Variants in MED14 observed in about 807,000 individuals in gnomAD.
MED14 encodes mediator of RNA polymerase II transcription subunit 14.
A neutral mutation model predicts 109.0 loss-of-function variants in MED14; 8 were observed. The ratio of observed to expected loss-of-function variants is 0.07; its 90% CI spans 0.04 to 0.13. MED14 has a LOEUF of 0.13. Ranked by LOEUF, MED14 falls within the 10% of genes least tolerant of loss-of-function variation. The probability of loss-of-function intolerance (pLI) is 1.00; values close to 1 mark genes in which losing one functional copy is unlikely to be tolerated. For missense variants in MED14, 711 were observed against 1,142.4 expected, an observed-to-expected ratio of 0.62 and a Z score of 5.44; for synonymous variants, 399 against 408.7, an observed-to-expected ratio of 0.98 and a Z score of 0.29.
chrX:40,681,833 G>T lies in MED14; in HGVS notation c.2457+19C>A. On this transcript the variant is annotated intron_variant, in intron 19 of 30. Transcript: ENST00000324817. ...TAAGATTCATAAGACAGGAACTTCA[G>T]CATTTTAATCAGACTTACTGAGCTT... The T allele has an allele frequency of 6.7e-6, 6 of 901,892 alleles. No homozygotes were observed. Among genetic ancestry groups the T allele is most frequent in the Non-Finnish European group, 9.2e-6 (6 of 649,383 alleles). The allele number at this position is 901,892 out of a possible 1,213,427, so 74.3% of individuals were successfully genotyped here. A position where few individuals can be genotyped will look rare whatever the true frequency, so the allele number is the denominator to read the frequency against.
chrX:40,709,939 T>G (rs199698101), intron 9 of MED14, 40 bp downstream of exon 9: 21 of 977,294 alleles, frequency 2.1e-5, no homozygotes, highest in Non-Finnish European at 2.8e-5. Flanking sequence ...GCAAGTTACA[T>G]TCATTTAAAC....
intron 30 of MED14, among the ~76,000 whole-genome samples, chrX:40,652,082 G>A (rs1358049012): frequency 1.8e-5 from 2 of 112,229 alleles, no homozygotes; most frequent in African/African-American, 6.5e-5. Flanking sequence ...TTTTTCTCAG[G>A]AGGAAACTTC....
At chrX:40,711,407 T>C (rs748271467) in intron 7 of MED14, 106 bp from the exon 8 acceptor site, 2 of 593,584 alleles carry the variant, frequency 3.4e-6, no homozygotes, top group South Asian at 4.5e-5. Flanking sequence ...TGGAGAAAAA[T>C]TTCTGAAGAA....
At chrX:40,710,652 G>C (rs925163055) in intron 8 of MED14, among the ~76,000 whole-genome samples, 1 of 110,608 alleles carries the variant, frequency 9.0e-6, no homozygotes, top group Non-Finnish European at 1.9e-5. Context: ...CTAACCTAAC[G>C]GTCTTTTAGC....
intron 23 of MED14, among the ~76,000 whole-genome samples, chrX:40,670,238 A>T (rs1031867130): frequency 8.9e-6 from 1 of 111,840 alleles, no homozygotes; most frequent in Non-Finnish European, 1.9e-5. Flanking sequence ...TCAAAGAGGC[A>T]TTTGTCATGT....
intron 15 of MED14, among the ~76,000 whole-genome samples, chrX:40,690,574 C>G (rs1930462862): frequency 9.0e-6 from 1 of 111,265 alleles, no homozygotes; most frequent in Non-Finnish European, 1.9e-5. Flanking sequence ...GCTACCATGC[C>G]TGACTAAGTT....
Position 40,664,474 on chromosome X carries a change from C to G in MED14, c.3281G>C (p.Ser1094Thr). 1 of 1,100,964 alleles carries G rather than the reference C, an allele frequency of 9.1e-7. No homozygotes were observed. The allele number at this position is 1,100,964 out of a possible 1,213,427, so 90.7% of individuals were successfully genotyped here. ...TGGTGACACCATAGTGTATGGGGAA[C>G]TAGGGTCAAGAGTTCCTATAAAAAA... is the stretch of plus-strand genomic sequence containing the variant. ...FASPHGTLDP[S>T]SPYTMVSPSG... Residue 1094 changes from serine (S) to threonine (T), a missense_variant, in exon 25 of 31, where the codon AGT (serine) becomes ACT (threonine). This residue lies in a region of MED14 where 100 missense variants were observed against 147.5 expected (regional missense o/e 0.68). Coordinates refer to ENST00000324817, the MANE Select transcript of MED14 (RefSeq NM_004229.4).
chrX:40,712,907 G>T lies in MED14; in HGVS notation c.781+7C>A, dbSNP rs1931384158. 1 of 1,152,566 alleles carries T rather than the reference G, an allele frequency of 8.7e-7. No homozygotes were observed. Among genetic ancestry groups the T allele is most frequent in the African/African-American group, 1.8e-5 (1 of 55,717 alleles). The allele number at this position is 1,152,566 out of a possible 1,213,427, so 95.0% of individuals were successfully genotyped here. A position where few individuals can be genotyped will look rare whatever the true frequency, so the allele number is the denominator to read the frequency against. ...ACTTATGATTTAAATCACTACTTATGATTTACCTCCTGTTTCCTTATCCTC... is the reference window on the plus strand; with the variant it reads ...ACTTATGATTTAAATCACTACTTATTATTTACCTCCTGTTTCCTTATCCTC... On this transcript the variant is annotated splice_region_variant and intron_variant, in intron 6 of 30. Transcript: ENST00000324817.
intron 3 of MED14, among the ~76,000 whole-genome samples, chrX:40,719,995 AT>A (rs1931657813): frequency 8.9e-6 from 1 of 112,135 alleles, no homozygotes; most frequent in African/African-American, 3.2e-5. Context: ...TTAAATAATC[AT>A]TAGGTTGAGA....
Position 40,729,353 on chromosome X carries a change from G to T in MED14, c.216-8C>A, listed in dbSNP as rs879044508. 1 of 917,717 alleles carries T rather than the reference G, an allele frequency of 1.1e-6. No homozygotes were observed. 75.6% of individuals were successfully genotyped at this position (917,717 alleles called of 1,213,427 possible). On this transcript the variant is annotated splice_region_variant and splice_polypyrimidine_tract_variant and intron_variant, in intron 1 of 30. Coordinates refer to ENST00000324817, the MANE Select transcript of MED14 (RefSeq NM_004229.4). ...TCAGATTTCCTTGGCAGTCTAAGAA[G>T]AAAAAAAAAAAACGGATTAGATACA...
intron 11 of MED14, among the ~76,000 whole-genome samples, chrX:40,702,098 A>G (rs1279480036): frequency 8.9e-6 from 1 of 111,954 alleles, no homozygotes; most frequent in Admixed American, 9.5e-5. Flanking sequence ...GAGAGCCTTC[A>G]TCAGAAATCA....
intron 10 of MED14, among the ~76,000 whole-genome samples, chrX:40,708,614 A>G (rs1309223627): frequency 2.7e-5 from 3 of 112,072 alleles, no homozygotes; most frequent in Admixed American, 9.5e-5. Context: ...AATTATGGCC[A>G]AAAACAATTG....
chrX:40,707,830 T>C (rs1371951621), intron 10 of MED14, among the ~76,000 whole-genome samples: 1 of 111,896 alleles, frequency 8.9e-6, no homozygotes, highest in East Asian at 2.8e-4. Context: ...ATTAAAATGT[T>C]CTAAAATCAA....
intron 14 of MED14, 86 bp downstream of exon 14, chrX:40,692,622 A>T: frequency 1.1e-6 from 1 of 917,967 alleles, no homozygotes; most frequent in Non-Finnish European, 1.5e-6. Flanking sequence ...ACTGTATCTT[A>T]GTTCTTTCTC....
At chrX:40,655,756 T>C (rs1447213686) in intron 28 of MED14, among the ~76,000 whole-genome samples, 1 of 112,166 alleles carries the variant, frequency 8.9e-6, no homozygotes, top group Non-Finnish European at 1.9e-5. Context: ...TACAGCCTAT[T>C]AGATCAGAAG....
At chrX:40,734,424 T>C (rs1275682295) in intron 1 of MED14, among the ~76,000 whole-genome samples, 1 of 112,463 alleles carries the variant, frequency 8.9e-6, no homozygotes, top group Admixed American at 9.4e-5. Flanking sequence ...CTAATGTATC[T>C]CAATTGATAA....
intron 16 of MED14, among the ~76,000 whole-genome samples, chrX:40,684,693 G>A (rs769524706): frequency 8.9e-6 from 1 of 112,168 alleles, no homozygotes; most frequent in East Asian, 2.8e-4. Context: ...AAATATAAAT[G>A]CAGTACATTA....
Position 40,698,593 on chromosome X carries a change from T to C in MED14, c.1491-1410A>G, listed in dbSNP as rs894430444. 8.9e-5 allele frequency among the ~76,000 whole-genome samples: 10 copies of C among 112,641 alleles called. No individual in the cohort carries two copies. The South Asian group carries it at 3.2e-3, about 37-fold the overall frequency. ...TGGGGCTTATATCTTATACATGTTC[T>C]TTCATTTCTTTTTTCCTAGAATTCA... is the stretch of plus-strand genomic sequence containing the variant. On this transcript the variant is annotated intron_variant, in intron 12 of 30. Transcript: ENST00000324817.
At chrX:40,725,475 G>A (rs1269742411) in intron 3 of MED14, among the ~76,000 whole-genome samples, 2 of 111,764 alleles carry the variant, frequency 1.8e-5, no homozygotes, top group Non-Finnish European at 3.8e-5. Flanking sequence ...TAAAAAGATC[G>A]TTCATCATGA....
Sources: gnomAD v4.1 joint callset for allele counts (sites outside exome capture counted in the v4.1 genomes callset) on GRCh38, gnomAD v4.1.1 for gene constraint, gnomAD v4.1.1 regional missense constraint, MANE v1.5 for transcripts, NCBI Gene and HGNC (gene_info 2026-07-23, HGNC 2026-07-21) for gene names.